Variants in FAM222A observed in about 807,000 individuals in gnomAD.
FAM222A encodes protein FAM222A.
FAM222A carries 7 observed loss-of-function variants against 25.8 expected under a neutral mutation model. The observed-to-expected ratio is 0.27, with a 90% CI of 0.15 to 0.51. The LOEUF is 0.51. Ranked by LOEUF, FAM222A falls within the 20% of genes least tolerant of loss-of-function variation. The pLI is 0.97. For synonymous variants in FAM222A, 294 were observed against 298.8 expected (o/e 0.98, Z 0.17); for missense variants, 573 against 640.5 (o/e 0.89, Z 1.14).
rs1889180990 is a variant in FAM222A at position 109,769,468 on chromosome 12, A to G, written c.*180A>G. On this transcript the variant is annotated 3_prime_UTR_variant, in exon 3 of 3. Transcript: ENST00000538780. ...GGATGGAGGGTGGCAGGGCAACCTC[A>G]CATACCAAGGCCCCTCCCCACCATC... is the stretch of plus-strand genomic sequence containing the variant. 1 of 732,046 alleles carries G rather than the reference A, an allele frequency of 1.4e-6. No individual in the cohort carries two copies. The highest frequency in any genetic ancestry group is 1.9e-5 in the South Asian group (1 of 52,626). 45.3% of individuals were successfully genotyped at this position (732,046 alleles called of 1,614,324 possible).
intron 1 of FAM222A, among the ~76,000 whole-genome samples, chr12:109,739,782 G>A (rs778897471): frequency 9.2e-5 from 14 of 152,176 alleles, no homozygotes; most frequent in Non-Finnish European, 1.9e-4. Flanking sequence ...ACTGGCATTG[G>A]CATCCTTGGG....
intron 2 of FAM222A, chr12:109,744,679 G>C: frequency 1.0e-6 from 1 of 985,460 alleles, no homozygotes; most frequent in South Asian, 4.7e-5. Flanking sequence ...CTGGGACCTA[G>C]ACCTGGTGAC....
In FAM222A at chr12:109,768,555, A is replaced by G. The variant is rs1376863601; in HGVS notation, c.626A>G (p.Gln209Arg). Reference protein sequence around the residue: ...IHSLLYQLNQQCQAPGAAPPA... With the variant: ...IHSLLYQLNQRCQAPGAAPPA... ...AGCCTCCTGTACCAGCTCAACCAGC[A>G]GTGCCAGGCCCCGGGCGCCGCACCC... Residue 209 changes from glutamine (Q) to arginine (R), a missense_variant, in exon 3 of 3, where the codon CAG becomes CGG. Gln to Arg is a conservative substitution (Grantham distance 43). This residue lies in a region of FAM222A where 412 missense variants were observed against 407.0 expected (regional missense o/e 1.01). Transcript: ENST00000538780. The G allele has an allele frequency of 2.5e-6, 4 of 1,602,534 alleles. No homozygotes were observed. The highest frequency in any genetic ancestry group is 1.7e-5 in the Admixed American group (1 of 59,696).
intron 2 of FAM222A, among the ~76,000 whole-genome samples, chr12:109,748,442 T>C (rs1221793806): frequency 2.7e-5 from 4 of 150,536 alleles, no homozygotes; most frequent in African/African-American, 9.8e-5. Flanking sequence ...ACAGTTTAAA[T>C]AGACATGGAA....
rs367783186 is a variant in FAM222A at position 109,768,690 on chromosome 12, G to A, written c.761G>A (p.Arg254Gln). 43 of 1,587,828 alleles carry A rather than the reference G, an allele frequency of 2.7e-5. No homozygotes were observed. The highest frequency in any genetic ancestry group is 3.4e-4 in the Middle Eastern group (2 of 5,922). ...YSAAAGLPDC[R>Q]KGTELGQGAT... The stretch of plus-strand genomic sequence containing the variant: ...GCTGCAGCCGGTCTGCCCGACTGCC[G>A]GAAAGGCACTGAGCTGGGCCAGGGA... The change falls in exon 3 of 3, where the codon CGG becomes CAG. Residue 254 changes from arginine (R) to glutamine (Q), a missense_variant. Around this residue, in one of 3 missense-constraint regions of FAM222A, gnomAD observed 412 missense variants for 407.0 expected, o/e 1.01. Coordinates refer to ENST00000538780, the MANE Select transcript of FAM222A (RefSeq NM_032829.3).
rs866801967 is a variant in FAM222A at position 109,713,961 on chromosome 12, C to G, written c.-983C>G. On this transcript the variant is annotated 5_prime_UTR_variant, in exon 1 of 3. Transcript: ENST00000538780. ...CGGCGCGCGGCACCCGGGCCTGAGA[C>G]CAGGCGAGGCGCCGGCGCGCGCCAG... is the stretch of plus-strand genomic sequence containing the variant. Among the ~76,000 whole-genome samples, 101 of 146,342 alleles carry G rather than the reference C, an allele frequency of 6.9e-4. No individual in the cohort carries two copies. The highest frequency in any genetic ancestry group is 6.9e-3 in the Middle Eastern group (2 of 290).
intron 1 of FAM222A, among the ~76,000 whole-genome samples, chr12:109,728,580 G>A (rs1313590701): frequency 6.6e-6 from 1 of 152,160 alleles, no homozygotes. Context: ...ACCTTCCTCT[G>A]TGCCTTTGCT....
chr12:109,767,785 C>G (rs1398694924), intron 2 of FAM222A, among the ~76,000 whole-genome samples: 2 of 152,216 alleles, frequency 1.3e-5, no homozygotes, highest in African/African-American at 4.8e-5. Context: ...GTCCTGTCTC[C>G]TGGCCTGGGT....
chr12:109,723,003 G>T (rs970056744), intron 1 of FAM222A, among the ~76,000 whole-genome samples: 5 of 112,158 alleles, frequency 4.5e-5, no homozygotes, highest in South Asian at 5.7e-4. Flanking sequence ...GGGAGCGGGT[G>T]GGGGGGGGAG....
intron 2 of FAM222A, among the ~76,000 whole-genome samples, chr12:109,761,501 T>C (rs1888895265): frequency 6.6e-6 from 1 of 152,142 alleles, no homozygotes; most frequent in South Asian, 2.1e-4. Flanking sequence ...ACCCGGGCCC[T>C]CTTCCCCAGG....
chr12:109,729,216 T>A (rs1324812154), intron 1 of FAM222A, among the ~76,000 whole-genome samples: 1 of 140,702 alleles, frequency 7.1e-6, no homozygotes, highest in Non-Finnish European at 1.5e-5. Context: ...ACAATAAGAA[T>A]TTTAGGTAGA....
At chr12:109,766,422 C>T (rs1889052179) in intron 2 of FAM222A, among the ~76,000 whole-genome samples, 1 of 152,250 alleles carries the variant, frequency 6.6e-6, no homozygotes, top group Non-Finnish European at 1.5e-5. Flanking sequence ...CCTTCAGCCC[C>T]ATGCAGGCGG....
intron 2 of FAM222A, among the ~76,000 whole-genome samples, chr12:109,766,822 T>G (rs770194222): frequency 3.9e-5 from 6 of 152,144 alleles, no homozygotes; most frequent in Non-Finnish European, 7.4e-5. Context: ...ATCTCCCCTG[T>G]GACCTAGAAA....
chr12:109,762,777 G>T (rs1888936151), intron 2 of FAM222A, among the ~76,000 whole-genome samples: 1 of 152,230 alleles, frequency 6.6e-6, no homozygotes, highest in Non-Finnish European at 1.5e-5. Flanking sequence ...GTGAGCTCAG[G>T]AAAGTCCTTC....
chr12:109,765,920 T>C (rs1889035635), intron 2 of FAM222A, among the ~76,000 whole-genome samples: 1 of 152,216 alleles, frequency 6.6e-6, no homozygotes, highest in African/African-American at 2.4e-5. Flanking sequence ...TAACGCCATC[T>C]ACCGCACATG....
Position 109,769,583 on chromosome 12 carries a change from A to C in FAM222A, c.*295A>C, listed in dbSNP as rs71458305. On this transcript the variant is annotated 3_prime_UTR_variant, in exon 3 of 3. Transcript: ENST00000538780. ...AGCTGGCAGAGGCAGGGAGAGAGAA[A>C]CCACTCAAAAACAGGAATGGTTCTT... 2.2e-6 allele frequency: 1 copy of C among 446,240 alleles called. No individual in the cohort carries two copies. The highest frequency in any genetic ancestry group is 4.0e-6 in the Non-Finnish European group (1 of 249,082). The allele number at this position is 446,240 out of a possible 1,614,324, so 27.6% of individuals were successfully genotyped here.
At chr12:109,758,296 C>G (rs1369997839) in intron 2 of FAM222A, among the ~76,000 whole-genome samples, 1 of 152,208 alleles carries the variant, frequency 6.6e-6, no homozygotes, top group Non-Finnish European at 1.5e-5. Flanking sequence ...ACTGCCAGTT[C>G]CAGCCCAGAA....
chr12:109,758,679 T>G (rs576403320), intron 2 of FAM222A, among the ~76,000 whole-genome samples: 12 of 152,304 alleles, frequency 7.9e-5, no homozygotes, highest in African/African-American at 2.9e-4. Context: ...TTAGGGATTC[T>G]GCCTCTGCCA....
chr12:109,729,375 G>A (rs1464653802), intron 1 of FAM222A, among the ~76,000 whole-genome samples: 6 of 152,084 alleles, frequency 3.9e-5, no homozygotes, highest in East Asian at 1.9e-4. Context: ...GTCTCAGGAC[G>A]GCTTGCCTTC....
Sources: allele counts gnomAD v4.1 joint callset (sites outside exome capture counted in the v4.1 genomes callset), GRCh38; gene constraint gnomAD v4.1.1; regional missense constraint gnomAD v4.1.1; transcripts MANE v1.5; gene names NCBI Gene and HGNC (gene_info 2026-07-23, HGNC 2026-07-21).